The following ABR variants were observed in gnomAD, a reference collection of about 807,000 sequenced individuals.
ABR encodes ABR activator of RhoGEF and GTPase.
Under a neutral mutation model 107.2 loss-of-function variants are expected in ABR, and 35 were observed. The observed-to-expected ratio is 0.33, with a 90% CI of 0.25 to 0.43. ABR has a LOEUF of 0.43. Ranked by LOEUF, ABR falls within the 20% of genes least tolerant of loss-of-function variation. The pLI is 1.00. For synonymous variants in ABR, 498 were observed against 462.0 expected (o/e 1.08, Z -1.00); for missense variants, 815 against 1,115.2 (o/e 0.73, Z 3.83).
chr17:1,063,041 C>A (rs1236204379), intron 10 of ABR, among the ~76,000 whole-genome samples: 94 of 128,138 alleles, frequency 7.3e-4, no homozygotes, highest in Non-Finnish European at 9.1e-4. Flanking sequence ...TTCCTCTAGA[C>A]GCTGTTGTTA....
intron 16 of ABR, among the ~76,000 whole-genome samples, chr17:1,029,349 C>T (rs1314421808): frequency 6.6e-6 from 1 of 152,100 alleles, no homozygotes; most frequent in African/African-American, 2.4e-5. Context: ...GTGAGTGTCC[C>T]TGCCTCCTCT....
rs138761504 is a variant in ABR, at chr17:1,013,150, G to A, written c.1806C>T (p.Thr602=). The change falls in exon 17 of 23, where the codon ACC becomes ACT. Residue 602 remains threonine, a synonymous_variant. Transcript: ENST00000302538. ...CCGTGTGCCAGTTCTTGGTCTCCACGGTTTGTGGGTCCAGCTGCAGAGAGA... is the reference window on the plus strand; with the variant it reads ...CCGTGTGCCAGTTCTTGGTCTCCACAGTTTGTGGGTCCAGCTGCAGAGAGA... ...GKGQIQLDPQ[T]VETKNWHTDV... 4.6e-4 allele frequency: 737 copies of A among 1,614,142 alleles called. No individual in the cohort carries two copies. The highest frequency in any genetic ancestry group is 8.6e-4 in the South Asian group (78 of 91,088).
intron 1 of ABR, among the ~76,000 whole-genome samples, chr17:1,204,830 T>C (rs1487343300): frequency 6.6e-6 from 1 of 152,044 alleles, no homozygotes; most frequent in East Asian, 1.9e-4. Context: ...AAATATACTA[T>C]GATGCTTGCA....
At chr17:1,113,304 T>TG (rs2038817950) in intron 2 of ABR, among the ~76,000 whole-genome samples, 1 of 146,430 alleles carries the variant, frequency 6.8e-6, no homozygotes, top group Non-Finnish European at 1.5e-5. Flanking sequence ...TTTTTTTTTT[T>TG]GAGACGGAGT....
At chr17:1,036,713 G>A (rs867924694) in intron 16 of ABR, among the ~76,000 whole-genome samples, 4 of 152,090 alleles carry the variant, frequency 2.6e-5, no homozygotes, top group Admixed American at 1.3e-4. Flanking sequence ...GAGTGGGGAC[G>A]GGAGTGTCCC....
intron 1 of ABR, among the ~76,000 whole-genome samples, chr17:1,165,916 C>T (rs1269531904): frequency 3.3e-5 from 5 of 152,204 alleles, no homozygotes; most frequent in South Asian, 4.1e-4. Context: ...CAGTGCCTGG[C>T]AGCTTGGCCC....
intron 2 of ABR, chr17:1,115,253 TGG>T (rs988929265): frequency 2.0e-5 from 3 of 152,426 alleles, no homozygotes; most frequent in African/African-American, 7.2e-5. Context: ...ACAAGAGCCG[TGG>T]GGCCCCAGCT....
In ABR at chr17:1,057,014, G is replaced by T; in HGVS notation, c.1470C>A (p.Val490=). ...CGAGCTTACCGTCTTTATTGCTGGT[G>T]ACAGGAATGTTGTGTACAGTCCTAA... ...FKLRTVHNIP[V]TSNKDDDESP... The change falls in exon 13 of 23, where the codon GTC becomes GTA. Residue 490 remains valine (V), a synonymous_variant. Transcript: ENST00000302538. 1 of 1,608,228 alleles carries T rather than the reference G, an allele frequency of 6.2e-7. No homozygotes were observed. The highest frequency in any genetic ancestry group is 1.1e-5 in the South Asian group (1 of 90,852).
intron 16 of ABR, among the ~76,000 whole-genome samples, chr17:1,029,811 G>A (rs2072561784): frequency 1.1e-5 from 1 of 89,604 alleles, no homozygotes; most frequent in African/African-American, 3.4e-5. Context: ...CCACAGCGCT[G>A]ACCCGTGTCC....
intron 1 of ABR, among the ~76,000 whole-genome samples, chr17:1,178,305 T>C (rs1056758989): frequency 2.0e-5 from 3 of 150,698 alleles, no homozygotes; most frequent in Admixed American, 1.3e-4. Flanking sequence ...GGCTCACGCC[T>C]GTAATCCCAG....
chr17:1,218,018 C>CGG (rs956104365), intron 1 of ABR, among the ~76,000 whole-genome samples: 3 of 152,100 alleles, frequency 2.0e-5, no homozygotes, highest in East Asian at 3.9e-4. Context: ...TTAGTGGAGA[C>CGG]GGGGTTTCAC....
chr17:1,089,749 C>T (rs987996659), intron 4 of ABR, among the ~76,000 whole-genome samples: 1 of 152,200 alleles, frequency 6.6e-6, no homozygotes, highest in African/African-American at 2.4e-5. Flanking sequence ...CACCTGAGGT[C>T]AGGAGTTCGA....
intron 16 of ABR, among the ~76,000 whole-genome samples, chr17:1,026,229 T>G (rs1467975753): frequency 6.6e-6 from 1 of 152,224 alleles, no homozygotes; most frequent in Non-Finnish European, 1.5e-5. Flanking sequence ...AGCAGTTAAG[T>G]AGCAGACTGA....
rs1301761422 is a variant in ABR, at chr17:1,091,785, C to T, written c.411G>A (p.Glu137=). ...TGTCCTGGATCTTGTAGAAGATGGTCTCGATCTGCTGGATGGTGAGCACGG... is the reference window on the plus strand; with the variant it reads ...TGTCCTGGATCTTGTAGAAGATGGTTTCGATCTGCTGGATGGTGAGCACGG... ...SQPVLTIQQI[E]TIFYKIQDIY... Residue 137 remains glutamate, a synonymous_variant, in exon 4 of 23, where the codon GAG becomes GAA. Transcript: ENST00000302538. The T allele has an allele frequency of 6.2e-7, 1 of 1,614,180 alleles. No individual in the cohort carries two copies. Among genetic ancestry groups the T allele is most frequent in the South Asian group, 1.1e-5 (1 of 91,086 alleles).
chr17:1,136,813 C>T lies in ABR; in HGVS notation c.62-11446G>A, dbSNP rs1041287039. Among the ~76,000 whole-genome samples the T allele has an allele frequency of 6.6e-5, 10 of 152,228 alleles. No homozygotes were observed. In the East Asian group the frequency reaches 1.2e-3, roughly 18 times the overall value. ...CGTTGTGGCTGGTTTGATCTTTATC[C>T]GACCACTCAAACTTTCTCCATATCA... On this transcript the variant is annotated intron_variant, in intron 1 of 22. Transcript: ENST00000302538.
At chr17:1,197,501 C>T (rs924494719) in intron 1 of ABR, among the ~76,000 whole-genome samples, 2 of 151,584 alleles carry the variant, frequency 1.3e-5, no homozygotes, top group Non-Finnish European at 2.9e-5. Flanking sequence ...CTGATGAAAC[C>T]TCACCCTAAT....
At chr17:1,184,350 G>A (rs2042226783), upstream of ABR, among the ~76,000 whole-genome samples, 1 of 151,658 alleles carries the variant, frequency 6.6e-6, no homozygotes, top group Admixed American at 6.6e-5. Context: ...AGCTACTCGG[G>A]AGGCTGAGGC....
chr17:1,138,784 A>G (rs1350088823), intron 1 of ABR, among the ~76,000 whole-genome samples: 1 of 152,098 alleles, frequency 6.6e-6, no homozygotes, highest in Non-Finnish European at 1.5e-5. Context: ...TGCCTGAAAA[A>G]CTTCTTAAAA....
chr17:1,078,986 T>C lies in ABR; in HGVS notation c.700+344A>G. 1 of 1,373,784 alleles carries C rather than the reference T, an allele frequency of 7.3e-7. No homozygotes were observed. The highest frequency in any genetic ancestry group is 9.5e-7 in the Non-Finnish European group (1 of 1,049,834). The allele number at this position is 1,373,784 out of a possible 1,614,324, so 85.1% of individuals were successfully genotyped here. A position where few individuals can be genotyped will look rare whatever the true frequency, so the allele number is the denominator to read the frequency against. ...ACGGACTCCAGCATCGGGCAGCCGC[T>C]CCGGAGTGCTCTTCCAGCAAGGGGG... On this transcript the variant is annotated intron_variant, in intron 6 of 22. Transcript: ENST00000302538. This position sits in a 1 kb window ranked among gnomAD's most constrained non-coding sequence, Gnocchi z 7.5.
Sources: gnomAD v4.1 joint callset for allele counts (sites outside exome capture counted in the v4.1 genomes callset) on GRCh38, gnomAD v4.1.1 for gene constraint, Gnocchi (gnomAD v3.1) non-coding constraint, MANE v1.5 for transcripts, NCBI Gene and HGNC (gene_info 2026-07-23, HGNC 2026-07-21) for gene names.